C12orf42: variants seen among roughly 807,000 people sequenced by gnomAD.
C12orf42 encodes uncharacterized protein C12orf42.
C12orf42 carries 25 observed loss-of-function variants against 21.6 expected under a neutral mutation model. The ratio of observed to expected loss-of-function variants is 1.16; its 90% CI spans 0.84 to 1.62. The LOEUF is 1.62. Ranked by LOEUF, C12orf42 falls within the 40% of genes most tolerant of loss-of-function variation. The probability of loss-of-function intolerance (pLI) is 0.00; values close to 1 mark genes in which losing one functional copy is unlikely to be tolerated. For synonymous variants in C12orf42, 174 were observed against 175.0 expected (o/e 0.99, Z 0.05); for missense variants, 483 against 459.3 (o/e 1.05, Z -0.47).
At chr12:103,335,266 C>T (rs2041592366) in intron 4 of C12orf42, among the ~76,000 whole-genome samples, 1 of 152,144 alleles carries the variant, frequency 6.6e-6, no homozygotes, top group East Asian at 1.9e-4. Context: ...AACATTAGAG[C>T]CTGTGCTCAA....
chr12:103,186,526 G>A, the C12orf42 span, among the ~76,000 whole-genome samples: 6 of 152,026 alleles, frequency 3.9e-5, no homozygotes, highest in Non-Finnish European at 8.8e-5. Context: ...TAATCAAAAT[G>A]GCATAAATCA....
intron 4 of C12orf42, among the ~76,000 whole-genome samples, chr12:103,362,952 G>A (rs551733012): frequency 5.9e-5 from 9 of 152,108 alleles, no homozygotes; most frequent in Middle Eastern, 3.4e-3. Context: ...AATCTTCCCC[G>A]GCCTTGCTAG....
intron 3 of C12orf42, chr12:103,396,396 C>A (rs1409224999): frequency 6.6e-6 from 1 of 152,162 alleles, no homozygotes; most frequent in Non-Finnish European, 1.5e-5. Context: ...GTCAATTACG[C>A]CTCTTTTGTT....
the C12orf42 span, among the ~76,000 whole-genome samples, chr12:103,208,247 T>C: frequency 1.3e-5 from 2 of 152,210 alleles, no homozygotes; most frequent in Non-Finnish European, 2.9e-5. Context: ...CCATTGAAGA[T>C]GCTGGGACTT....
At chr12:103,248,198 T>C (rs1342256501) in intron 10 of C12orf42, among the ~76,000 whole-genome samples, 6 of 152,044 alleles carry the variant, frequency 3.9e-5, no homozygotes, top group African/African-American at 1.4e-4. Flanking sequence ...AGAAGAAAAC[T>C]TCATTTTCTT....
intron 4 of C12orf42, among the ~76,000 whole-genome samples, chr12:103,313,330 T>A (rs2039149446): frequency 6.6e-6 from 1 of 152,220 alleles, no homozygotes; most frequent in Non-Finnish European, 1.5e-5. Context: ...AAGGCTGCCA[T>A]CTCCTATTCA....
intron 2 of C12orf42, among the ~76,000 whole-genome samples, chr12:103,437,508 C>CA (rs1565826147): frequency 1.3e-5 from 2 of 151,846 alleles, no homozygotes; most frequent in African/African-American, 2.4e-5. Context: ...AGACCGCTAG[C>CA]AAGGCTAATA....
the C12orf42 span, among the ~76,000 whole-genome samples, chr12:103,215,729 C>G: frequency 6.6e-6 from 1 of 152,212 alleles, no homozygotes; most frequent in Non-Finnish European, 1.5e-5. Flanking sequence ...CAACCTAGCT[C>G]TATCCATAGC....
chr12:103,050,219 G>GGTGTGTGTGT, the C12orf42 span, among the ~76,000 whole-genome samples: 37 of 148,750 alleles, frequency 2.5e-4, no homozygotes, highest in East Asian at 4.6e-3. Flanking sequence ...TTTTCTCACA[G>GGTGTGTGTGT]GTGTGTGTGT....
chr12:103,411,636 A>G (rs760453463), intron 2 of C12orf42, among the ~76,000 whole-genome samples: 4 of 152,194 alleles, frequency 2.6e-5, no homozygotes, highest in Admixed American at 6.5e-5. Context: ...GGAGCTTGTT[A>G]TCTTCTTCTG....
intron 2 of C12orf42, among the ~76,000 whole-genome samples, chr12:103,469,509 ATTTTTTGGCCACAT>A (rs1953418208): frequency 6.6e-6 from 1 of 152,152 alleles, no homozygotes; most frequent in Admixed American, 6.5e-5. Flanking sequence ...AGAAAATCTG[ATTTTTTGGCCACAT>A]AATATCACTA....
the C12orf42 span, among the ~76,000 whole-genome samples, chr12:103,168,806 T>C: frequency 3.6e-4 from 55 of 152,230 alleles, no homozygotes; most frequent in Admixed American, 3.3e-3. Flanking sequence ...GTGGCACATA[T>C]ATACCATGGA....
chr12:103,144,635 T>C, the C12orf42 span, among the ~76,000 whole-genome samples: 4 of 152,218 alleles, frequency 2.6e-5, no homozygotes, highest in African/African-American at 4.8e-5. Flanking sequence ...TTTAATAGCG[T>C]CCTTGTAAAT....
intron 10 of C12orf42, among the ~76,000 whole-genome samples, chr12:103,248,699 T>A (rs1243999663): frequency 6.6e-6 from 1 of 151,984 alleles, no homozygotes; most frequent in East Asian, 1.9e-4. Flanking sequence ...CAAATAGAAA[T>A]GGAATAGGAT....
the C12orf42 span, among the ~76,000 whole-genome samples, chr12:103,222,161 G>A: frequency 2.0e-5 from 3 of 152,314 alleles, no homozygotes; most frequent in South Asian, 6.2e-4. Flanking sequence ...CTTTGTGTGA[G>A]CAACATGGCT....
intron 2 of C12orf42, among the ~76,000 whole-genome samples, chr12:103,463,231 A>G (rs980771338): frequency 3.3e-5 from 5 of 152,184 alleles, no homozygotes; most frequent in Non-Finnish European, 7.3e-5. Context: ...CTATCTCACA[A>G]TCTGAACCCT....
At chr12:103,289,964 G>C (rs949262012) in intron 4 of C12orf42, among the ~76,000 whole-genome samples, 1 of 152,116 alleles carries the variant, frequency 6.6e-6, no homozygotes, top group Non-Finnish European at 1.5e-5. Flanking sequence ...CATTTTGAGG[G>C]GGAAAAGGGG....
At chr12:103,116,571 A>C in the C12orf42 span, among the ~76,000 whole-genome samples, 13 of 152,022 alleles carry the variant, frequency 8.6e-5, no homozygotes, top group African/African-American at 3.1e-4. Context: ...TTAATAAAAA[A>C]CAGTGAGTAT....
At chr12:103,138,750 C>T in the C12orf42 span, among the ~76,000 whole-genome samples, 2 of 152,154 alleles carry the variant, frequency 1.3e-5, no homozygotes, top group African/African-American at 4.8e-5. Context: ...CTGCCTCTTT[C>T]CTTTGACCCT....
Sources: allele counts gnomAD v4.1 joint callset (sites outside exome capture counted in the v4.1 genomes callset), GRCh38; gene constraint gnomAD v4.1.1; transcripts MANE v1.5; gene names NCBI Gene and HGNC (gene_info 2026-07-23, HGNC 2026-07-21).